The following KCTD16 variants were observed in gnomAD, a reference collection of about 807,000 sequenced individuals.
KCTD16 encodes BTB/POZ domain-containing protein KCTD16.
In KCTD16, 13 loss-of-function variants were observed where a neutral mutation model predicts 33.2. That is an observed-to-expected ratio of 0.39 (90% CI 0.25 to 0.62). The LOEUF (loss-of-function observed/expected upper bound fraction) is 0.62, where lower values mean the gene tolerates loss of function less well. Among genes scored for constraint, KCTD16 ranks in the 20% least tolerant of loss-of-function variants. The probability of loss-of-function intolerance (pLI) is 0.50; values close to 1 mark genes in which losing one functional copy is unlikely to be tolerated. For synonymous variants in KCTD16, 197 were observed against 195.3 expected, an observed-to-expected ratio of 1.01 and a Z score of -0.07; for missense variants, 441 against 525.1, an observed-to-expected ratio of 0.84 and a Z score of 1.57.
intron 3 of KCTD16, among the ~76,000 whole-genome samples, chr5:144,403,466 A>G (rs1046470358): frequency 6.6e-6 from 1 of 152,000 alleles, no homozygotes; most frequent in African/African-American, 2.4e-5. Flanking sequence ...AGAGCAAGAG[A>G]TCTGAGTGAT....
intron 2 of KCTD16, among the ~76,000 whole-genome samples, chr5:144,178,195 A>G (rs1192341649): frequency 1.3e-5 from 2 of 152,050 alleles, no homozygotes; most frequent in African/African-American, 2.4e-5. Context: ...GCTAAAGGAA[A>G]CTCTTAATGT....
chr5:144,212,574 C>G (rs1297515579), intron 3 of KCTD16, among the ~76,000 whole-genome samples: 2 of 152,094 alleles, frequency 1.3e-5, no homozygotes, highest in African/African-American at 2.4e-5. Context: ...TGAGAATGTG[C>G]CACAAAGCTC....
At chr5:144,265,650 C>T (rs1755122358) in intron 3 of KCTD16, among the ~76,000 whole-genome samples, 1 of 152,150 alleles carries the variant, frequency 6.6e-6, no homozygotes, top group South Asian at 2.1e-4. Flanking sequence ...TTAGAACACT[C>T]TTAAATATTG....
chr5:144,473,385 TGTTAGCTGG>T (rs1255736402), intron 3 of KCTD16, among the ~76,000 whole-genome samples: 2 of 152,158 alleles, frequency 1.3e-5, no homozygotes, highest in African/African-American at 4.8e-5. Flanking sequence ...TAATAAATGA[TGTTAGCTGG>T]GTATTTCTGA....
At chr5:144,199,335 A>T (rs1467797408) in intron 2 of KCTD16, among the ~76,000 whole-genome samples, 1 of 152,218 alleles carries the variant, frequency 6.6e-6, no homozygotes, top group East Asian at 1.9e-4. Context: ...GAGCAGACAT[A>T]AAGAAGACTC....
At chr5:144,245,653 G>T (rs1754529159) in intron 3 of KCTD16, among the ~76,000 whole-genome samples, 2 of 152,138 alleles carry the variant, frequency 1.3e-5, no homozygotes, top group South Asian at 4.1e-4. Context: ...TTGGATCATG[G>T]AGGCTGTTTC....
rs1301286611 is a variant in KCTD16 at position 144,174,309 on chromosome 5, CAT to C, written c.-487_-486del. 6.6e-6 allele frequency: 1 copy of C among 152,150 alleles called. No individual in the cohort carries two copies. Among genetic ancestry groups the C allele is most frequent in the Non-Finnish European group, 1.5e-5 (1 of 68,026 alleles). 9.4% of individuals were successfully genotyped at this position (152,150 alleles called of 1,614,324 possible). A position where few individuals can be genotyped will look rare whatever the true frequency, so the allele number is the denominator to read the frequency against. On this transcript the variant is annotated 5_prime_UTR_variant, in exon 2 of 4. It adds an upstream start codon to the 5' untranslated region. Transcript: ENST00000512467. ...TTTCTTTCCCTTCTGTTTTTCAGTT[CAT>C]ATGTCATGAAAAGTTGTGCCAGAAA...
chr5:144,323,326 G>A (rs528626895), intron 3 of KCTD16, among the ~76,000 whole-genome samples: 2 of 152,262 alleles, frequency 1.3e-5, no homozygotes, highest in East Asian at 3.9e-4. Context: ...GTAAGTCTGG[G>A]TTCTCCAAGA....
At chr5:144,434,317 G>A (rs1240507570) in intron 3 of KCTD16, among the ~76,000 whole-genome samples, 2 of 152,038 alleles carry the variant, frequency 1.3e-5, no homozygotes, top group Non-Finnish European at 2.9e-5. Flanking sequence ...GATATTAGAG[G>A]TAGTCACGTG....
At chr5:144,368,665 G>A (rs1751893932) in intron 3 of KCTD16, among the ~76,000 whole-genome samples, 1 of 152,158 alleles carries the variant, frequency 6.6e-6, no homozygotes, top group South Asian at 2.1e-4. Context: ...CACTGGACCT[G>A]GAGTTCTGAC....
At chr5:144,434,758 G>A (rs1046340687) in intron 3 of KCTD16, among the ~76,000 whole-genome samples, 8 of 152,250 alleles carry the variant, frequency 5.3e-5, no homozygotes, top group African/African-American at 1.9e-4. Flanking sequence ...CATAGAGGTG[G>A]TTATTATCAC....
chr5:144,313,280 T>G (rs545342050), intron 3 of KCTD16, among the ~76,000 whole-genome samples: 2 of 152,292 alleles, frequency 1.3e-5, no homozygotes, highest in Non-Finnish European at 2.9e-5. Context: ...CAGATTCATA[T>G]AGCATCCATC....
chr5:144,414,561 A>G (rs1753004563), intron 3 of KCTD16, among the ~76,000 whole-genome samples: 1 of 152,228 alleles, frequency 6.6e-6, no homozygotes, highest in Non-Finnish European at 1.5e-5. Context: ...ATAGGCACTT[A>G]CTGCATGATT....
intron 3 of KCTD16, among the ~76,000 whole-genome samples, chr5:144,298,359 A>C (rs368042655): frequency 2.5e-4 from 38 of 152,354 alleles, no homozygotes; most frequent in African/African-American, 8.4e-4. Context: ...CCAGGATTAC[A>C]TCACCTGCCA....
At chr5:144,448,636 A>C (rs891601468) in intron 3 of KCTD16, among the ~76,000 whole-genome samples, 3 of 152,080 alleles carry the variant, frequency 2.0e-5, no homozygotes, top group Admixed American at 1.3e-4. Flanking sequence ...ACAGCATTAG[A>C]GACAAGAGCA....
At chr5:144,355,466 C>T (rs566194885) in intron 3 of KCTD16, among the ~76,000 whole-genome samples, 71 of 152,104 alleles carry the variant, frequency 4.7e-4, no homozygotes, top group African/African-American at 1.7e-3. Flanking sequence ...GGAGTACCAC[C>T]CATTGGGAAG....
rs189368465 is a variant in KCTD16 at position 144,311,484 on chromosome 5, A to G, written c.832+103938A>G. Among the ~76,000 whole-genome samples the G allele has an allele frequency of 1.8e-4, 28 of 152,328 alleles. No homozygotes were observed. The East Asian group carries it at 4.4e-3, about 24-fold the overall frequency. On this transcript the variant is annotated intron_variant, in intron 3 of 3. Coordinates refer to ENST00000512467, the MANE Select transcript of KCTD16 (RefSeq NM_020768.4). ...TGAAAACGTAATTAGAAATAGATGCAAAGATATATAGATATAGATATCAAG... is the reference window on the plus strand; with the variant it reads ...TGAAAACGTAATTAGAAATAGATGCGAAGATATATAGATATAGATATCAAG...
intron 2 of KCTD16, among the ~76,000 whole-genome samples, chr5:144,182,175 A>C (rs2126774352): frequency 6.6e-6 from 1 of 151,836 alleles, no homozygotes; most frequent in Middle Eastern, 3.4e-3. Flanking sequence ...TAGTTATGGC[A>C]GGAGTGGGCT....
At chr5:144,318,722 C>T (rs540455701) in intron 3 of KCTD16, among the ~76,000 whole-genome samples, 7 of 152,094 alleles carry the variant, frequency 4.6e-5, no homozygotes, top group South Asian at 2.1e-4. Context: ...TCTGTGACTG[C>T]GGAATTACTT....
Sources: allele counts gnomAD v4.1 joint callset (sites outside exome capture counted in the v4.1 genomes callset), GRCh38; gene constraint gnomAD v4.1.1; transcripts MANE v1.5; gene names NCBI Gene and HGNC (gene_info 2026-07-23, HGNC 2026-07-21).